Variants in FGD6 observed in about 807,000 individuals in gnomAD.
FGD6 encodes the protein FYVE, RhoGEF and PH domain-containing protein 6.
Under a neutral mutation model 149.4 loss-of-function variants are expected in FGD6, and 90 were observed. The ratio of observed to expected loss-of-function variants is 0.60; its 90% CI spans 0.51 to 0.72. The LOEUF is 0.72. FGD6 is among the 30% of genes least tolerant of loss of function. The pLI, the probability that FGD6 is intolerant of heterozygous loss-of-function variation, is 0.00. For missense variants in FGD6, 1,437 were observed against 1,684.8 expected, an observed-to-expected ratio of 0.85 and a Z score of 2.57; for synonymous variants, 527 against 584.0, an observed-to-expected ratio of 0.90 and a Z score of 1.41.
chr12:95,100,991 TCC>T, intron 14 of FGD6: 1 of 358,174 alleles, frequency 2.8e-6, no homozygotes, highest in South Asian at 2.7e-5. Context: ...GTTATCTCTC[TCC>T]AGCTGACAGC....
chr12:95,123,915 T>C (rs914231760), intron 8 of FGD6, among the ~76,000 whole-genome samples: 4 of 145,342 alleles, frequency 2.8e-5, no homozygotes, highest in Non-Finnish European at 6.0e-5. Context: ...CTTTCTTCCT[T>C]TTTTTTTTTC....
At position 95,149,993 on chromosome 12, in the gene FGD6, TACACACACACACACACAC is replaced by T. The variant is rs10652699; in HGVS notation, c.2685+2800_2685+2817del. 9.7e-4 allele frequency among the ~76,000 whole-genome samples: 128 copies of T among 132,000 alleles called. 1 individual carries two copies. In the South Asian group the frequency reaches 0.028, roughly 28 times the overall value. The allele number at this position is 132,000 out of a possible 152,430, so 86.6% of individuals were successfully genotyped here. A position where few individuals can be genotyped will look rare whatever the true frequency, so the allele number is the denominator to read the frequency against. ...ATAGTATACTATATATGCTATATATTACACACACACACACACACACACACACACACACACACACACTTT... is the reference window on the plus strand; with the variant it reads ...ATAGTATACTATATATGCTATATATTACACACACACACACACACACACTTT... On this transcript the variant is annotated intron_variant, in intron 5 of 20. Transcript: ENST00000343958.
At chr12:95,216,048 G>C (rs1395040652) in intron 1 of FGD6, among the ~76,000 whole-genome samples, 1 of 152,180 alleles carries the variant, frequency 6.6e-6, no homozygotes, top group East Asian at 1.9e-4. Flanking sequence ...TCTCATATAA[G>C]TGCATATAAC....
chr12:95,100,553 G>A (rs1033489677), intron 14 of FGD6: 20 of 299,028 alleles, frequency 6.7e-5, no homozygotes, highest in African/African-American at 2.7e-4. Flanking sequence ...GAGGCTAATC[G>A]CACTGTTGGC....
Position 95,099,667 on chromosome 12 carries a change from A to G in FGD6, c.3498-4973T>C, listed in dbSNP as rs552422618. On this transcript the variant is annotated intron_variant, in intron 14 of 20. Transcript: ENST00000343958. ...TCATCACTTTAACCCAAGACACACC[A>G]TCATCTGCTGGGCACTCACTACCTG... 3.3e-5 allele frequency among the ~76,000 whole-genome samples: 5 copies of G among 152,116 alleles called. No individual in the cohort carries two copies. In the South Asian group the frequency reaches 8.3e-4, roughly 25 times the overall value.
intron 2 of FGD6, among the ~76,000 whole-genome samples, chr12:95,181,196 C>A (rs1881273041): frequency 6.6e-6 from 1 of 152,148 alleles, no homozygotes; most frequent in South Asian, 2.1e-4. Flanking sequence ...GGATGTTCAA[C>A]AGCCTGCAGG....
rs139484674 is a variant in FGD6 at position 95,117,600 on chromosome 12, GA to G, written c.3083-3900del. Among the ~76,000 whole-genome samples the G allele has an allele frequency of 6.6e-3, 1,007 of 152,192 alleles. 17 individuals are homozygous for G. The highest frequency in any genetic ancestry group is 0.021 in the African/African-American group (892 of 41,528). ...TACTACCACGTTGGGCTAAGTTTTT[GA>G]TTTTTTGTAGAGACGATGTCTCACT... On this transcript the variant is annotated intron_variant, in intron 8 of 20. Coordinates refer to ENST00000343958, the MANE Select transcript of FGD6 (RefSeq NM_018351.4).
intron 8 of FGD6, among the ~76,000 whole-genome samples, chr12:95,128,900 A>G (rs1879427916): frequency 1.3e-5 from 2 of 152,246 alleles, no homozygotes; most frequent in Non-Finnish European, 2.9e-5. Context: ...AAGGAAAAGA[A>G]GGTTCAGGTA....
At chr12:95,105,109 G>A (rs1878570242) in intron 13 of FGD6, 23 bp from the exon 14 acceptor site, 1 of 1,587,908 alleles carries the variant, frequency 6.3e-7, no homozygotes, top group Non-Finnish European at 8.5e-7. Flanking sequence ...ACAACAATTT[G>A]AGCCGACTCA....
At chr12:95,135,293 TG>T (rs1879635995) in intron 7 of FGD6, among the ~76,000 whole-genome samples, 1 of 152,140 alleles carries the variant, frequency 6.6e-6, no homozygotes, top group African/African-American at 2.4e-5. Context: ...GTCAAAATAA[TG>T]GTGGTGGCAG....
At chr12:95,114,421 C>A (rs1236030935) in intron 8 of FGD6, among the ~76,000 whole-genome samples, 1 of 146,986 alleles carries the variant, frequency 6.8e-6, no homozygotes, top group African/African-American at 2.5e-5. Context: ...GCATGGCCAA[C>A]ATGGGGAAAC....
At chr12:95,116,716 T>TA in intron 8 of FGD6, 2 of 406,010 alleles carry the variant, frequency 4.9e-6, no homozygotes, top group South Asian at 3.6e-5. Flanking sequence ...AAAATATCTT[T>TA]ATGGTCTACA....
At chr12:95,180,185 G>C (rs1881242490) in intron 2 of FGD6, among the ~76,000 whole-genome samples, 1 of 151,950 alleles carries the variant, frequency 6.6e-6, no homozygotes, top group Admixed American at 6.6e-5. Flanking sequence ...GCTCCTATTT[G>C]TGTAGAGAAG....
At chr12:95,109,508 G>A (rs1442168734) in intron 9 of FGD6, among the ~76,000 whole-genome samples, 5 of 152,010 alleles carry the variant, frequency 3.3e-5, no homozygotes, top group African/African-American at 1.2e-4. Context: ...TGTTAGAGAG[G>A]GAAGCATCTC....
Position 95,151,050 on chromosome 12 carries a change from GC to G in FGD6, c.2685+1760del, listed in dbSNP as rs1880295883. 4.0e-5 allele frequency among the ~76,000 whole-genome samples: 6 copies of G among 151,860 alleles called. No homozygotes were observed. The South Asian group carries it at 1.0e-3, about 26-fold the overall frequency. ...AGAGCTTGCAGTGAGTGGAAATCATGCCACCGCACTCCAGCCTGGGTGACAA... is the reference window on the plus strand; with the variant it reads ...AGAGCTTGCAGTGAGTGGAAATCATGCACCGCACTCCAGCCTGGGTGACAA... On this transcript the variant is annotated intron_variant, in intron 5 of 20. Coordinates refer to ENST00000343958, the MANE Select transcript of FGD6 (RefSeq NM_018351.4).
In FGD6 at chr12:95,209,219, T is replaced by C. The variant is rs774001319; in HGVS notation, c.2065A>G (p.Lys689Glu). ...CTATAGTTTTCTGTGGAATATGCCT[T>C]GATGGGTTTACTTCTCTTCTCCTCT... ...VGEEKRSKPIKAYSTENYSLE... is the reference protein window; with the variant it reads ...VGEEKRSKPIEAYSTENYSLE... The change falls in exon 2 of 21, where the codon AAG becomes GAG. Residue 689 changes from lysine (K) to glutamate (E), a missense_variant. Transcript: ENST00000343958. 11 of 1,614,006 alleles carry C rather than the reference T, an allele frequency of 6.8e-6. No homozygotes were observed. In the East Asian group the frequency reaches 2.2e-4, roughly 33 times the overall value.
At chr12:95,195,298 C>T (rs1881708772) in intron 2 of FGD6, among the ~76,000 whole-genome samples, 1 of 152,104 alleles carries the variant, frequency 6.6e-6, no homozygotes, top group African/African-American at 2.4e-5. Flanking sequence ...AATCAACTGT[C>T]ATCAGGTAGG....
intron 3 of FGD6, among the ~76,000 whole-genome samples, chr12:95,154,094 G>A (rs894624358): frequency 2.8e-4 from 42 of 152,016 alleles, no homozygotes; most frequent in African/African-American, 9.7e-4. Context: ...CGAGTAGCTG[G>A]GACTACAGGT....
intron 3 of FGD6, among the ~76,000 whole-genome samples, chr12:95,167,093 G>A (rs572450502): frequency 1.3e-5 from 2 of 152,164 alleles, no homozygotes; most frequent in East Asian, 3.9e-4. Context: ...CTGACCTAGT[G>A]ATCTGCCCAC....
Sources: gnomAD v4.1 joint callset for allele counts (sites outside exome capture counted in the v4.1 genomes callset) on GRCh38, gnomAD v4.1.1 for gene constraint, MANE v1.5 for transcripts, NCBI Gene and HGNC (gene_info 2026-07-23, HGNC 2026-07-21) for gene names.